The following FBXO40 variants were observed in gnomAD, a reference collection of about 807,000 sequenced individuals.
The protein encoded by FBXO40 is F-box protein 40.
A neutral mutation model predicts 49.9 loss-of-function variants in FBXO40; 50 were observed. The ratio of observed to expected loss-of-function variants is 1.00; its 90% CI spans 0.80 to 1.27. FBXO40 has a LOEUF of 1.27. Among genes scored for constraint, FBXO40 ranks in the 50% most tolerant of loss-of-function variants. The pLI, the probability that FBXO40 is intolerant of heterozygous loss-of-function variation, is 0.00. For missense variants in FBXO40, 895 were observed against 870.1 expected (o/e 1.03, Z -0.36); for synonymous variants, 340 against 320.2 (o/e 1.06, Z -0.66).
Position 121,622,349 on chromosome 3 carries a change from A to T in FBXO40, c.920A>T (p.Tyr307Phe). Reference sequence around the variant, plus strand: ...AAAACAGCTGTGGATGCAAAGGACTATAACATGTATCTAGTGCACAATGGG... The same window carrying T: ...AAAACAGCTGTGGATGCAAAGGACTTTAACATGTATCTAGTGCACAATGGG... ...RLKTAVDAKD[Y>F]NMYLVHNGRM... The change falls in exon 3 of 4, where the codon TAT (tyrosine) becomes TTT (phenylalanine). Residue 307 changes from tyrosine to phenylalanine, a missense_variant. Tyr to Phe is a conservative substitution (Grantham distance 22, BLOSUM62 3). Coordinates refer to ENST00000338040, the MANE Select transcript of FBXO40 (RefSeq NM_016298.4). 5 of 1,614,242 alleles carry T rather than the reference A, an allele frequency of 3.1e-6. No homozygotes were observed. The highest frequency in any genetic ancestry group is 3.4e-6 in the Non-Finnish European group (4 of 1,180,042).
chr3:121,625,050 T>C (rs952054567), intron 3 of FBXO40, among the ~76,000 whole-genome samples: 9 of 152,220 alleles, frequency 5.9e-5, no homozygotes, highest in African/African-American at 2.2e-4. Context: ...TTTGGCCCAC[T>C]GATTTCCCCG....
intron 1 of FBXO40, among the ~76,000 whole-genome samples, chr3:121,610,457 G>A (rs1560129156): frequency 6.6e-6 from 1 of 152,142 alleles, no homozygotes; most frequent in Non-Finnish European, 1.5e-5. Flanking sequence ...GTCAGGGTCA[G>A]TGTTAGTATA....
chr3:121,615,153 C>G (rs541124156), intron 1 of FBXO40, among the ~76,000 whole-genome samples: 1 of 124,598 alleles, frequency 8.0e-6, no homozygotes, highest in African/African-American at 3.1e-5. Context: ...TGCAGTAAGC[C>G]AAGATCGTGC....
intron 1 of FBXO40, among the ~76,000 whole-genome samples, chr3:121,602,695 T>A (rs2048906427): frequency 6.6e-6 from 1 of 152,234 alleles, no homozygotes; most frequent in African/African-American, 2.4e-5. Context: ...ATTACAGTGT[T>A]AAATGGCTCC....
chr3:121,607,410 T>A (rs2048937917), intron 1 of FBXO40, among the ~76,000 whole-genome samples: 1 of 139,594 alleles, frequency 7.2e-6, no homozygotes, highest in African/African-American at 2.7e-5. Context: ...CCTGGGTTCA[T>A]GCCATTCTCC....
Position 121,612,615 on chromosome 3 carries a change from G to T in FBXO40, c.-30-7931G>T, listed in dbSNP as rs539093694. ...CAAGCGTATTTTAAATCCTTATCCT[G>T]ACTAACCATTAGGAAGGCCTGCACA... On this transcript the variant is annotated intron_variant, in intron 1 of 3. Coordinates refer to ENST00000338040, the MANE Select transcript of FBXO40 (RefSeq NM_016298.4). Among the ~76,000 whole-genome samples, 91 of 152,064 alleles carry T rather than the reference G, an allele frequency of 6.0e-4. 1 individual carries two copies. The highest frequency in any genetic ancestry group is 2.1e-3 in the African/African-American group (88 of 41,450).
intron 3 of FBXO40, 90 bp downstream of exon 3, chr3:121,623,433 A>T: frequency 9.0e-7 from 1 of 1,111,090 alleles, no homozygotes; most frequent in Non-Finnish European, 1.3e-6. Flanking sequence ...GCCCAGGCAA[A>T]AGTGCAGTGG....
intron 1 of FBXO40, among the ~76,000 whole-genome samples, chr3:121,619,340 G>A (rs558677262): frequency 6.6e-6 from 1 of 152,036 alleles, no homozygotes; most frequent in Non-Finnish European, 1.5e-5. Flanking sequence ...TCTGACATTT[G>A]GATGCTAACC....
At chr3:121,617,552 G>A (rs1010103516) in intron 1 of FBXO40, among the ~76,000 whole-genome samples, 11 of 151,930 alleles carry the variant, frequency 7.2e-5, no homozygotes, top group African/African-American at 1.9e-4. Context: ...CCAAGATTGC[G>A]CCATTGCACT....
intron 1 of FBXO40, among the ~76,000 whole-genome samples, chr3:121,615,786 A>G (rs1382185661): frequency 6.6e-6 from 1 of 152,108 alleles, no homozygotes; most frequent in Non-Finnish European, 1.5e-5. Context: ...TGGTGGGAGA[A>G]GTTTTGTCTG....
At chr3:121,603,748 T>C (rs190586608) in intron 1 of FBXO40, among the ~76,000 whole-genome samples, 78 of 152,290 alleles carry the variant, frequency 5.1e-4, no homozygotes, top group African/African-American at 1.9e-3. Flanking sequence ...AGATGGAGTC[T>C]CACTCTGTCG....
chr3:121,621,787 C>T lies in FBXO40; in HGVS notation c.358C>T (p.Pro120Ser), dbSNP rs763515142. 1.2e-6 allele frequency: 2 copies of T among 1,614,210 alleles called. No homozygotes were observed. Among genetic ancestry groups the T allele is most frequent in the Admixed American group, 3.3e-5 (2 of 60,034 alleles). Residue 120 changes from proline to serine, a missense_variant, in exon 3 of 4, where the codon CCC becomes TCC. Physicochemically the swap from Pro to Ser is moderately conservative, Grantham distance 74. Coordinates refer to ENST00000338040, the MANE Select transcript of FBXO40 (RefSeq NM_016298.4). ...TLHENIMKET[P>S]SEECLDTALA... is the part of the protein sequence containing the mutation. The stretch of plus-strand genomic sequence containing the variant: ...TCATGAAAACATCATGAAAGAGACC[C>T]CCAGTGAGGAGTGTTTGGACACAGC...
intron 3 of FBXO40, among the ~76,000 whole-genome samples, chr3:121,625,644 T>G (rs3772129): frequency 0.78 from 117,978 of 152,142 alleles, 45,933 homozygotes; most frequent in Admixed American, 0.81. Context: ...TTAGATACTA[T>G]AAATTATTTT....
intron 1 of FBXO40, among the ~76,000 whole-genome samples, chr3:121,605,821 G>T (rs559020532): frequency 6.6e-6 from 1 of 152,328 alleles, no homozygotes; most frequent in Admixed American, 6.5e-5. Flanking sequence ...GTCCCTCTAA[G>T]TATGTCTGTA....
chr3:121,609,091 ATAGG>A (rs2048950531), intron 1 of FBXO40, among the ~76,000 whole-genome samples: 1 of 152,094 alleles, frequency 6.6e-6, no homozygotes, highest in Non-Finnish European at 1.5e-5. Flanking sequence ...AAAGGCCCAC[ATAGG>A]TTTCTTGGTA....
chr3:121,625,406 C>G (rs1186651623), intron 3 of FBXO40, among the ~76,000 whole-genome samples: 2 of 152,142 alleles, frequency 1.3e-5, no homozygotes, highest in Non-Finnish European at 2.9e-5. Context: ...TTGTATTGAT[C>G]ATGTCTAAAA....
Position 121,627,888 on chromosome 3 carries a change from T to A in FBXO40, c.*978T>A, listed in dbSNP as rs1389737543. The A allele has an allele frequency of 2.5e-6, 1 of 398,622 alleles. No individual in the cohort carries two copies. The highest frequency in any genetic ancestry group is 4.4e-6 in the Non-Finnish European group (1 of 226,166). The allele number at this position is 398,622 out of a possible 1,614,324, so 24.7% of individuals were successfully genotyped here. A position where few individuals can be genotyped will look rare whatever the true frequency, so the allele number is the denominator to read the frequency against. On this transcript the variant is annotated 3_prime_UTR_variant, in exon 4 of 4. Transcript: ENST00000338040. The stretch of plus-strand genomic sequence containing the variant: ...CAGACAAGGCCCACTGCAGTTCCTA[T>A]GGCGCCAGTCACCAGCTCCTAGACA...
In FBXO40 at chr3:121,630,048, C is replaced by T; in HGVS notation, c.*3138C>T. On this transcript the variant is annotated 3_prime_UTR_variant, in exon 4 of 4. Transcript: ENST00000338040. ...GTCTGTAGAACTGGGCCAGAGAGGA[C>T]CTTACTGCCTTAGTAGCATAAGGGT... 6.6e-6 allele frequency: 1 copy of T among 152,096 alleles called. No individual in the cohort carries two copies. Among genetic ancestry groups the T allele is most frequent in the East Asian group, 1.9e-4 (1 of 5,194 alleles). The allele number at this position is 152,096 out of a possible 1,614,324, so 9.4% of individuals were successfully genotyped here.
intron 1 of FBXO40, among the ~76,000 whole-genome samples, chr3:121,601,241 T>C (rs1173381685): frequency 6.6e-6 from 1 of 152,140 alleles, no homozygotes; most frequent in Non-Finnish European, 1.5e-5. Flanking sequence ...TCAGATGTGA[T>C]TTGTTTATAG....
Sources: gnomAD v4.1 joint callset for allele counts (sites outside exome capture counted in the v4.1 genomes callset) on GRCh38, gnomAD v4.1.1 for gene constraint, MANE v1.5 for transcripts, NCBI Gene and HGNC (gene_info 2026-07-23, HGNC 2026-07-21) for gene names.